UQCRC2: variants seen among roughly 807,000 people sequenced by gnomAD.
UQCRC2 encodes the protein ubiquinol-cytochrome c reductase core protein 2.
Under a neutral mutation model 55.6 loss-of-function variants are expected in UQCRC2, and 49 were observed. That is an observed-to-expected ratio of 0.88 (90% CI 0.70 to 1.12). The LOEUF is 1.12. UQCRC2 is among the 50% of genes most tolerant of loss of function. The pLI is 0.00. For missense variants in UQCRC2, 506 were observed against 547.8 expected, an observed-to-expected ratio of 0.92 and a Z score of 0.76; for synonymous variants, 193 against 192.0, an observed-to-expected ratio of 1.01 and a Z score of -0.04.
intron 3 of UQCRC2, 146 bp from the exon 4 acceptor site, chr16:21,958,389 C>T (rs1020912621): frequency 2.8e-6 from 2 of 718,678 alleles, no homozygotes; most frequent in Non-Finnish European, 4.7e-6. Flanking sequence ...TTTGTTGAGC[C>T]TTGTTTTATA....
intron 1 of UQCRC2, among the ~76,000 whole-genome samples, chr16:21,956,894 C>T (rs1223700240): frequency 2.0e-5 from 3 of 152,050 alleles, no homozygotes; most frequent in Non-Finnish European, 2.9e-5. Context: ...GAAACCCCAT[C>T]TCTACTAAAA....
intron 7 of UQCRC2, 58 bp downstream of exon 7, chr16:21,965,563 C>A: frequency 7.5e-7 from 1 of 1,332,352 alleles, no homozygotes. Flanking sequence ...TGAACATCTC[C>A]CATTTCAGGT....
chr16:21,957,048 G>A (rs1461031007), intron 1 of UQCRC2, among the ~76,000 whole-genome samples, 187 bp from the exon 2 acceptor site: 5 of 149,634 alleles, frequency 3.3e-5, no homozygotes, highest in African/African-American at 4.9e-5. Flanking sequence ...CAGCCTGAGC[G>A]ACAGAGAGAC....
At position 21,960,355 on chromosome 16, in the gene UQCRC2, T is replaced by C. The variant is rs188988266; in HGVS notation, c.332+1756T>C. 1.1e-4 allele frequency among the ~76,000 whole-genome samples: 17 copies of C among 152,348 alleles called. No individual in the cohort carries two copies. The East Asian group carries it at 3.3e-3, about 29-fold the overall frequency. On this transcript the variant is annotated intron_variant, in intron 4 of 13. Transcript: ENST00000268379. ...CTAACCACGGCTAGCTTCAGACTTT[T>C]CTTCTGCATCTCACCTCTCTCAGCC... is the stretch of plus-strand genomic sequence containing the variant.
At chr16:21,957,704 A>T in intron 3 of UQCRC2, 138 bp downstream of exon 3, 1 of 1,284,536 alleles carries the variant, frequency 7.8e-7, no homozygotes, top group South Asian at 1.5e-5. Flanking sequence ...GGGTAGCTTA[A>T]ACCAAATAAG....
chr16:21,954,995 C>T (rs920984931), intron 1 of UQCRC2, among the ~76,000 whole-genome samples: 2 of 136,914 alleles, frequency 1.5e-5, no homozygotes, highest in African/African-American at 5.6e-5. Flanking sequence ...GCGGAGGTTG[C>T]AGTGAGCCGA....
intron 9 of UQCRC2, 50 bp downstream of exon 9, chr16:21,971,670 A>G (rs905859276): frequency 1.3e-6 from 2 of 1,569,916 alleles, no homozygotes; most frequent in African/African-American, 1.4e-5. Flanking sequence ...GCGTTTCCCC[A>G]CTAGAATAGC....
chr16:21,962,401 T>G, intron 4 of UQCRC2, 59 bp from the exon 5 acceptor site: 1 of 1,595,066 alleles, frequency 6.3e-7, no homozygotes, highest in Non-Finnish European at 8.6e-7. Context: ...TAGAAGATTA[T>G]AAGGGAAAGC....
At chr16:21,981,649 G>A (rs1033848489) in intron 13 of UQCRC2, among the ~76,000 whole-genome samples, 3 of 151,830 alleles carry the variant, frequency 2.0e-5, no homozygotes, top group African/African-American at 7.3e-5. Flanking sequence ...CAGCTACTCA[G>A]GAGCTCATGG....
chr16:21,970,087 C>T (rs1471395376), intron 8 of UQCRC2, among the ~76,000 whole-genome samples: 1 of 152,054 alleles, frequency 6.6e-6, no homozygotes, highest in East Asian at 1.9e-4. Flanking sequence ...TTGTAACTGG[C>T]TTTTCTTACT....
intron 11 of UQCRC2, 37 bp downstream of exon 11, chr16:21,974,013 A>G: frequency 6.5e-7 from 1 of 1,541,838 alleles, no homozygotes; most frequent in South Asian, 1.2e-5. Flanking sequence ...TTCATGAACA[A>G]GTTATTTCTC....
chr16:21,982,152 T>C (rs1226940575), intron 13 of UQCRC2, among the ~76,000 whole-genome samples: 1 of 152,086 alleles, frequency 6.6e-6, no homozygotes, highest in African/African-American at 2.4e-5. Flanking sequence ...TTTGGTACTC[T>C]TTTAAATGGC....
intron 8 of UQCRC2, 85 bp from the exon 9 acceptor site, chr16:21,971,440 G>A (rs1349888095): frequency 7.0e-6 from 8 of 1,136,800 alleles, no homozygotes; most frequent in Non-Finnish European, 8.9e-6. Flanking sequence ...TTTTACAATC[G>A]TATTTTTAAA....
At chr16:21,973,151 T>C (rs2141942738) in intron 10 of UQCRC2, among the ~76,000 whole-genome samples, 1 of 152,286 alleles carries the variant, frequency 6.6e-6, no homozygotes, top group African/African-American at 2.4e-5. Flanking sequence ...CTTCTTATGC[T>C]TTACGTGGAC....
intron 13 of UQCRC2, 36 bp from the exon 14 acceptor site, chr16:21,983,052 T>G: frequency 6.3e-7 from 1 of 1,594,634 alleles, no homozygotes; most frequent in Non-Finnish European, 8.6e-7. Context: ...ATATTTTTAT[T>G]TTTGTTAATT....
chr16:21,968,692 T>G lies in UQCRC2; in HGVS notation c.670+7T>G, dbSNP rs1317217849. The G allele has an allele frequency of 6.2e-7, 1 of 1,604,920 alleles. No homozygotes were observed. The highest frequency in any genetic ancestry group is 1.3e-5 in the African/African-American group (1 of 74,530). Reference sequence around the variant, plus strand: ...ATGGCTTTGATTGGACTTGGTAAGTTTAGAGTATTGCCTGCCTGTCAGTTT... The same window carrying G: ...ATGGCTTTGATTGGACTTGGTAAGTGTAGAGTATTGCCTGCCTGTCAGTTT... On this transcript the variant is annotated splice_region_variant and intron_variant, in intron 8 of 13. Coordinates refer to ENST00000268379, the MANE Select transcript of UQCRC2 (RefSeq NM_003366.4).
In UQCRC2 at chr16:21,968,633, T is replaced by C; in HGVS notation, c.618T>C (p.His206=). Residue 206 remains histidine (H), a synonymous_variant, in exon 8 of 14, where the codon CAT becomes CAC. Coordinates refer to ENST00000268379, the MANE Select transcript of UQCRC2 (RefSeq NM_003366.4). ...RIGKVTSEEL[H]YFVQNHFTSA... ...AGTGTTTTTAACTTCCTCAGTTACA[T>C]TACTTCGTTCAGAACCATTTCACAA... 1.2e-6 allele frequency: 2 copies of C among 1,607,692 alleles called. No homozygotes were observed. The highest frequency in any genetic ancestry group is 1.7e-6 in the Non-Finnish European group (2 of 1,177,036).
intron 4 of UQCRC2, among the ~76,000 whole-genome samples, chr16:21,960,522 G>A (rs937062253): frequency 3.9e-5 from 6 of 152,214 alleles, no homozygotes; most frequent in Admixed American, 1.3e-4. Context: ...TATGTGTTCA[G>A]TGGAGTAGCA....
chr16:21,965,375 A>G (rs780288822), intron 6 of UQCRC2, 33 bp from the exon 7 acceptor site: 3 of 1,600,682 alleles, frequency 1.9e-6, no homozygotes, highest in Admixed American at 1.7e-5. Context: ...CTGAAAGTGC[A>G]TTTCCCTAAA....
Sources: gnomAD v4.1 joint callset for allele counts (sites outside exome capture counted in the v4.1 genomes callset) on GRCh38, gnomAD v4.1.1 for gene constraint, MANE v1.5 for transcripts, NCBI Gene and HGNC (gene_info 2026-07-23, HGNC 2026-07-21) for gene names.